Variants in PHACTR3 observed in about 807,000 individuals in gnomAD.
PHACTR3 encodes the protein phosphatase and actin regulator 3, also known as protein phosphatase 1, regulatory subunit 123.
A neutral mutation model predicts 66.8 loss-of-function variants in PHACTR3; 16 were observed. The observed-to-expected ratio is 0.24, with a 90% confidence interval of 0.16 to 0.36. PHACTR3 has a LOEUF of 0.36. Ranked by LOEUF, PHACTR3 falls within the 10% of genes least tolerant of loss-of-function variation. The pLI, the probability that PHACTR3 is intolerant of heterozygous loss-of-function variation, is 1.00. For synonymous variants in PHACTR3, 323 were observed against 292.1 expected, an observed-to-expected ratio of 1.11 and a Z score of -1.08; for missense variants, 647 against 719.9, an observed-to-expected ratio of 0.90 and a Z score of 1.16.
chr20:59,604,610 G>A lies in PHACTR3; in HGVS notation c.-405G>A. On this transcript the variant is annotated 5_prime_UTR_variant, in exon 1 of 13. Transcript: ENST00000371015. Reference sequence around the variant, plus strand: ...TTCCTGGGGGGGTGGGGGGTGGGGTGGGGGGAGGGAGCGCCCCCAGACATT... The same window carrying A: ...TTCCTGGGGGGGTGGGGGGTGGGGTAGGGGGAGGGAGCGCCCCCAGACATT... 4.7e-6 allele frequency: 2 copies of A among 427,668 alleles called. No individual in the cohort carries two copies. The highest frequency in any genetic ancestry group is 6.2e-6 in the Non-Finnish European group (2 of 321,586). 26.5% of individuals were successfully genotyped at this position (427,668 alleles called of 1,614,324 possible).
intron 1 of PHACTR3, among the ~76,000 whole-genome samples, chr20:59,627,446 C>T (rs903765535): frequency 1.3e-5 from 2 of 152,202 alleles, no homozygotes; most frequent in Admixed American, 6.5e-5. Flanking sequence ...TGACTCCAAG[C>T]GTTCCAGCCT....
At chr20:59,728,185 C>T (rs947967941) in intron 1 of PHACTR3, among the ~76,000 whole-genome samples, 19 of 152,118 alleles carry the variant, frequency 1.2e-4, no homozygotes, top group African/African-American at 4.3e-4. Context: ...TCCCACATCC[C>T]GCGGCAGCCA....
At chr20:59,775,134 C>T (rs78005942) in intron 7 of PHACTR3, among the ~76,000 whole-genome samples, 5 of 149,822 alleles carry the variant, frequency 3.3e-5, no homozygotes, top group South Asian at 2.2e-4. Context: ...GGGCTCGGGA[C>T]GATAGAGGCC....
chr20:59,771,177 C>T (rs548763534), intron 5 of PHACTR3, among the ~76,000 whole-genome samples: 40 of 152,302 alleles, frequency 2.6e-4, no homozygotes, highest in East Asian at 1.7e-3. Context: ...AGGCAAACCA[C>T]GCTGCCTCAG....
intron 7 of PHACTR3, among the ~76,000 whole-genome samples, chr20:59,782,255 T>G (rs2040750170): frequency 6.6e-6 from 1 of 152,206 alleles, no homozygotes; most frequent in Non-Finnish European, 1.5e-5. Context: ...CTTTGTTTTT[T>G]GTTTTGTTTT....
intron 12 of PHACTR3, among the ~76,000 whole-genome samples, chr20:59,845,714 G>A (rs1272207999): frequency 1.3e-5 from 2 of 152,074 alleles, no homozygotes; most frequent in African/African-American, 4.8e-5. Flanking sequence ...TTCTCCTAAA[G>A]CTGAGTATTT....
At chr20:59,781,257 CGGGGT>C (rs1457666692) in intron 7 of PHACTR3, among the ~76,000 whole-genome samples, 2 of 152,150 alleles carry the variant, frequency 1.3e-5, no homozygotes, top group African/African-American at 4.8e-5. Flanking sequence ...AATTAATCAC[CGGGGT>C]CTATGTGCCA....
At chr20:59,740,516 C>A (rs2039114382) in intron 1 of PHACTR3, among the ~76,000 whole-genome samples, 1 of 151,228 alleles carries the variant, frequency 6.6e-6, no homozygotes, top group African/African-American at 2.4e-5. Context: ...AGGCTGGTCT[C>A]AAACTCTTGG....
At chr20:59,716,249 TG>T (rs1444273494) in intron 1 of PHACTR3, among the ~76,000 whole-genome samples, 9 of 138,270 alleles carry the variant, frequency 6.5e-5, no homozygotes, top group African/African-American at 1.7e-4. Context: ...TGTGTGTGTG[TG>T]TGTGTGTGTG....
At chr20:59,632,796 C>T (rs2034713459) in intron 1 of PHACTR3, among the ~76,000 whole-genome samples, 2 of 152,234 alleles carry the variant, frequency 1.3e-5, no homozygotes, top group African/African-American at 4.8e-5. Flanking sequence ...CCACCTACTT[C>T]CCCTCACATC....
chr20:59,733,072 C>T (rs1393589601), intron 1 of PHACTR3, among the ~76,000 whole-genome samples: 4 of 127,942 alleles, frequency 3.1e-5, no homozygotes. Flanking sequence ...AAATTCACTC[C>T]TTTTTTTTTT....
intron 1 of PHACTR3, among the ~76,000 whole-genome samples, chr20:59,598,012 G>T (rs530986268): frequency 6.6e-6 from 1 of 152,304 alleles, no homozygotes; most frequent in African/African-American, 2.4e-5. Context: ...TCACTGTGTG[G>T]GGGGACCCAG....
At chr20:59,655,621 T>A (rs2035595119) in intron 1 of PHACTR3, among the ~76,000 whole-genome samples, 4 of 151,970 alleles carry the variant, frequency 2.6e-5, no homozygotes. Flanking sequence ...ATTGATTTTC[T>A]CTGTTGTTTT....
At chr20:59,638,735 TG>T (rs2034987999) in intron 1 of PHACTR3, among the ~76,000 whole-genome samples, 1 of 132,342 alleles carries the variant, frequency 7.6e-6, no homozygotes, top group African/African-American at 2.9e-5. Flanking sequence ...GATGGATAAA[TG>T]GGGATGGATA....
chr20:59,582,798 G>C (rs898590941), intron 1 of PHACTR3, among the ~76,000 whole-genome samples: 1 of 152,052 alleles, frequency 6.6e-6, no homozygotes, highest in Admixed American at 6.5e-5. Context: ...GAGCGCCGTC[G>C]ATCTGATCTG....
rs373113739 is a variant in PHACTR3, at chr20:59,677,772, C to T, written c.119-65335C>T. On this transcript the variant is annotated intron_variant, in intron 1 of 12. Transcript: ENST00000371015. ...CGTGTTGTTCTTTGAGGAGGAATTACGGAATTATGTGCGTGTATAATGATG... is the reference window on the plus strand; with the variant it reads ...CGTGTTGTTCTTTGAGGAGGAATTATGGAATTATGTGCGTGTATAATGATG... 1.9e-4 allele frequency among the ~76,000 whole-genome samples: 29 copies of T among 152,190 alleles called. 1 individual carries two copies. In the East Asian group the frequency reaches 2.1e-3, roughly 11 times the overall value.
At chr20:59,718,593 A>G (rs1473525596) in intron 1 of PHACTR3, among the ~76,000 whole-genome samples, 1 of 151,968 alleles carries the variant, frequency 6.6e-6, no homozygotes, top group Non-Finnish European at 1.5e-5. Flanking sequence ...AAATAATTTT[A>G]ATCATGTTCC....
chr20:59,703,576 G>A (rs6015554), intron 1 of PHACTR3, among the ~76,000 whole-genome samples: 21,680 of 152,124 alleles, frequency 0.14, 4,953 homozygotes, highest in African/African-American at 0.48. Context: ...TTTCATTCCA[G>A]TTATGAAAAT....
chr20:59,732,701 A>C (rs1057448936), intron 1 of PHACTR3, among the ~76,000 whole-genome samples: 2 of 152,146 alleles, frequency 1.3e-5, no homozygotes, highest in Non-Finnish European at 2.9e-5. Context: ...TCAGTGGGAC[A>C]GCTCCAGGCC....
Sources: gnomAD v4.1 joint callset for allele counts (sites outside exome capture counted in the v4.1 genomes callset) on GRCh38, gnomAD v4.1.1 for gene constraint, MANE v1.5 for transcripts, NCBI Gene and HGNC (gene_info 2026-07-23, HGNC 2026-07-21) for gene names.